Variants in ANO10 observed in about 807,000 individuals in gnomAD.
ANO10 encodes the protein anoctamin-10.
Under a neutral mutation model 74.7 loss-of-function variants are expected in ANO10, and 77 were observed. The observed-to-expected ratio is 1.03, with a 90% CI of 0.86 to 1.25. The LOEUF (loss-of-function observed/expected upper bound fraction) is 1.25, where lower values mean the gene tolerates loss of function less well. Among genes scored for constraint, ANO10 ranks in the 50% most tolerant of loss-of-function variants. ANO10 has a pLI of 0.00. For synonymous variants in ANO10, 279 were observed against 284.9 expected, an observed-to-expected ratio of 0.98 and a Z score of 0.21; for missense variants, 721 against 778.1, an observed-to-expected ratio of 0.93 and a Z score of 0.87.
At chr3:43,567,731 G>C (rs2080448311) in intron 7 of ANO10, among the ~76,000 whole-genome samples, 1 of 151,984 alleles carries the variant, frequency 6.6e-6, no homozygotes, top group Non-Finnish European at 1.5e-5. Context: ...GCAAAATCAT[G>C]CCAAAATGTA....
intron 11 of ANO10, among the ~76,000 whole-genome samples, chr3:43,509,074 C>T (rs945374075): frequency 6.0e-5 from 9 of 150,622 alleles, no homozygotes; most frequent in Admixed American, 2.0e-4. Context: ...TGTAGGGACA[C>T]GGATGAAGCT....
rs148756345 is a variant in ANO10, at chr3:43,506,825, C to G, written c.1797+42895G>C. ...CTTCCTTAAAACTATACCACCACCC[C>G]CACCGTGGTACTTCCTATCTCCCTT... is the stretch of plus-strand genomic sequence containing the variant. On this transcript the variant is annotated intron_variant, in intron 11 of 12. Transcript: ENST00000292246. Among the ~76,000 whole-genome samples the G allele has an allele frequency of 5.3e-3, 810 of 152,274 alleles. 8 individuals are homozygous for G. The highest frequency in any genetic ancestry group is 0.018 in the African/African-American group (749 of 41,558).
intron 9 of ANO10, among the ~76,000 whole-genome samples, chr3:43,556,121 G>C (rs1418661294): frequency 6.6e-6 from 1 of 152,180 alleles, no homozygotes; most frequent in Non-Finnish European, 1.5e-5. Flanking sequence ...GCAGCATCTA[G>C]TTATGGTTCT....
chr3:43,375,802 A>T (rs201868205), intron 12 of ANO10, among the ~76,000 whole-genome samples: 1 of 151,986 alleles, frequency 6.6e-6, no homozygotes. Context: ...CTGGGGGAGA[A>T]GGTGTCTTCC....
intron 11 of ANO10, among the ~76,000 whole-genome samples, chr3:43,450,165 T>A (rs1363542993): frequency 6.6e-6 from 1 of 152,194 alleles, no homozygotes; most frequent in African/African-American, 2.4e-5. Context: ...GGAAAAATAT[T>A]TGAATTTTTT....
At chr3:43,469,604 A>C (rs941465807) in intron 11 of ANO10, among the ~76,000 whole-genome samples, 7 of 152,198 alleles carry the variant, frequency 4.6e-5, no homozygotes, top group African/African-American at 1.2e-4. Flanking sequence ...ACCCTAAACA[A>C]GAGATGCATG....
chr3:43,555,386 G>C lies in ANO10; in HGVS notation c.1560C>G (p.Ala520=), dbSNP rs778811216. 1.2e-6 allele frequency: 2 copies of C among 1,614,082 alleles called. No homozygotes were observed. Among genetic ancestry groups the C allele is most frequent in the Non-Finnish European group, 1.7e-6 (2 of 1,180,008 alleles). Residue 520 remains alanine (A), a synonymous_variant, in exon 10 of 13, where the codon GCC becomes GCG. Transcript: ENST00000292246. ...CAGTGAAGTTATTTAACACAGCAAA[G>C]GCAGCTGCTAATGGGTAAACACAGG... ...LFSCVYPLAA[A]FAVLNNFTEV... is the part of the protein sequence containing the mutation.
chr3:43,629,394 C>T (rs2083524625), intron 1 of ANO10, among the ~76,000 whole-genome samples: 1 of 152,056 alleles, frequency 6.6e-6, no homozygotes. Flanking sequence ...ATTTGTTTTT[C>T]TTAGTAATTG....
chr3:43,430,336 G>A (rs557824841), intron 12 of ANO10, among the ~76,000 whole-genome samples: 5 of 148,222 alleles, frequency 3.4e-5, no homozygotes, highest in Non-Finnish European at 7.5e-5. Flanking sequence ...ATGATTTTTG[G>A]GTTTTGTGTC....
chr3:43,407,830 T>C (rs949935786), intron 12 of ANO10, among the ~76,000 whole-genome samples: 3 of 152,138 alleles, frequency 2.0e-5, no homozygotes, highest in Admixed American at 6.5e-5. Context: ...GAACACAGGG[T>C]GTTCTAGGAA....
intron 12 of ANO10, among the ~76,000 whole-genome samples, chr3:43,373,584 C>T (rs2091694590): frequency 6.6e-6 from 1 of 152,170 alleles, no homozygotes; most frequent in Admixed American, 6.5e-5. Context: ...CAAAATTTCC[C>T]AAAACAGAAG....
chr3:43,628,263 C>A (rs1046407820), intron 1 of ANO10, among the ~76,000 whole-genome samples: 1 of 152,146 alleles, frequency 6.6e-6, no homozygotes, highest in Admixed American at 6.5e-5. Flanking sequence ...ATTAGTTCCC[C>A]AAATTAATAC....
chr3:43,509,267 A>G (rs2077420324), intron 11 of ANO10, among the ~76,000 whole-genome samples: 1 of 151,996 alleles, frequency 6.6e-6, no homozygotes, highest in Non-Finnish European at 1.5e-5. Context: ...TACCTAATGT[A>G]AATAATGAGT....
At chr3:43,453,973 A>G (rs2075009906) in intron 11 of ANO10, among the ~76,000 whole-genome samples, 1 of 152,248 alleles carries the variant, frequency 6.6e-6, no homozygotes, top group African/African-American at 2.4e-5. Context: ...TTTAGAGAAG[A>G]CATATAATTA....
chr3:43,519,688 T>C (rs772254183), intron 11 of ANO10, among the ~76,000 whole-genome samples: 2 of 152,040 alleles, frequency 1.3e-5, no homozygotes, highest in Non-Finnish European at 2.9e-5. Context: ...ATCCCTTCAC[T>C]CATATGAGGG....
chr3:43,675,580 G>C (rs927329400), intron 1 of ANO10, among the ~76,000 whole-genome samples: 2 of 151,828 alleles, frequency 1.3e-5, no homozygotes, highest in Non-Finnish European at 2.9e-5. Context: ...ACCTCATTTT[G>C]AAAATGATAT....
At chr3:43,687,821 G>A (rs1444505556) in intron 1 of ANO10, among the ~76,000 whole-genome samples, 1 of 152,160 alleles carries the variant, frequency 6.6e-6, no homozygotes, top group African/African-American at 2.4e-5. Context: ...CCAAGCAGTG[G>A]TTAAAGTATG....
At chr3:43,554,833 C>A (rs2079658848) in intron 10 of ANO10, among the ~76,000 whole-genome samples, 1 of 152,102 alleles carries the variant, frequency 6.6e-6, no homozygotes, top group Admixed American at 6.6e-5. Context: ...TCCTTATATT[C>A]CACTAGGCTT....
chr3:43,400,288 C>T (rs1320860123), intron 12 of ANO10, among the ~76,000 whole-genome samples: 1 of 151,458 alleles, frequency 6.6e-6, no homozygotes, highest in Non-Finnish European at 1.5e-5. Context: ...TGTCTGACCC[C>T]CCTTTCCCAT....
Sources: allele counts gnomAD v4.1 joint callset (sites outside exome capture counted in the v4.1 genomes callset), GRCh38; gene constraint gnomAD v4.1.1; transcripts MANE v1.5; gene names NCBI Gene and HGNC (gene_info 2026-07-23, HGNC 2026-07-21).